TRHDE: variants seen among roughly 807,000 people sequenced by gnomAD.
TRHDE encodes thyrotropin releasing hormone degrading enzyme, also known as thyrotropin-releasing hormone-degrading ectoenzyme.
A neutral mutation model predicts 125.7 loss-of-function variants in TRHDE; 72 were observed. The ratio of observed to expected loss-of-function variants is 0.57; its 90% CI spans 0.47 to 0.70. The LOEUF (loss-of-function observed/expected upper bound fraction) is 0.70, where lower values mean the gene tolerates loss of function less well. Among genes scored for constraint, TRHDE ranks in the 30% least tolerant of loss-of-function variants. The probability of loss-of-function intolerance (pLI) is 0.00; values close to 1 mark genes in which losing one functional copy is unlikely to be tolerated. For synonymous variants in TRHDE, 509 were observed against 509.1 expected (o/e 1.00, Z 0.00); for missense variants, 1,110 against 1,327.1 (o/e 0.84, Z 2.54).
intron 2 of TRHDE, among the ~76,000 whole-genome samples, chr12:72,352,018 A>C (rs1213535737): frequency 6.6e-6 from 1 of 151,872 alleles, no homozygotes; most frequent in Non-Finnish European, 1.5e-5. Flanking sequence ...AGATTATTTT[A>C]GTATAGACTC....
intron 2 of TRHDE, among the ~76,000 whole-genome samples, chr12:72,130,668 A>T (rs1875839670): frequency 6.6e-6 from 1 of 152,228 alleles, no homozygotes; most frequent in South Asian, 2.1e-4. Context: ...ACCACAATGG[A>T]TGAAATACTG....
At chr12:72,495,724 A>C (rs1233949517) in intron 5 of TRHDE, among the ~76,000 whole-genome samples, 2 of 152,166 alleles carry the variant, frequency 1.3e-5, no homozygotes, top group African/African-American at 2.4e-5. Flanking sequence ...AATTTAATAC[A>C]TATGTGTTAA....
intron 2 of TRHDE, among the ~76,000 whole-genome samples, chr12:72,344,421 G>C (rs1462420487): frequency 6.6e-6 from 1 of 152,092 alleles, no homozygotes; most frequent in Non-Finnish European, 1.5e-5. Flanking sequence ...ATTTGCTGCT[G>C]AGGAAGTTAA....
chr12:72,450,372 A>G (rs188443257), intron 3 of TRHDE, among the ~76,000 whole-genome samples: 1 of 152,204 alleles, frequency 6.6e-6, no homozygotes, highest in East Asian at 1.9e-4. Context: ...GTGGAAGTGA[A>G]CACCAGGCAT....
At chr12:72,300,136 A>G (rs1450953302) in intron 2 of TRHDE, among the ~76,000 whole-genome samples, 1 of 152,116 alleles carries the variant, frequency 6.6e-6, no homozygotes, top group Non-Finnish European at 1.5e-5. Flanking sequence ...GAGGGTAACC[A>G]TTCTTCCAGG....
At chr12:72,141,909 T>A (rs1876119878) in intron 2 of TRHDE, among the ~76,000 whole-genome samples, 1 of 151,742 alleles carries the variant, frequency 6.6e-6, no homozygotes, top group Non-Finnish European at 1.5e-5. Context: ...TCTTTTAGAG[T>A]GATAAATTGG....
chr12:72,645,327 T>A lies in TRHDE; in HGVS notation c.2676-6995T>A, dbSNP rs1874237698. Among the ~76,000 whole-genome samples, 4 of 152,008 alleles carry A rather than the reference T, an allele frequency of 2.6e-5. No homozygotes were observed. In the South Asian group the frequency reaches 8.3e-4, roughly 32 times the overall value. ...ACAACACAATAACGTAACTGAAAAATTTACTGTTAATAGAAGGGTTAAACA... is the reference window on the plus strand; with the variant it reads ...ACAACACAATAACGTAACTGAAAAAATTACTGTTAATAGAAGGGTTAAACA... On this transcript the variant is annotated intron_variant, in intron 15 of 18. Transcript: ENST00000261180.
In TRHDE at chr12:72,564,653, A is replaced by ATTTTTTTTTTTTTTTTTT. The variant is rs538823843; in HGVS notation, c.2042+1628_2042+1645dup. On this transcript the variant is annotated intron_variant, in intron 9 of 18. Transcript: ENST00000261180. ...TGGAATTATAAAATCATGCGTATGA[A>ATTTTTTTTTTTTTTTTTT]TTTTTTTTTTTTTTTTTTTTTTTTT... Among the ~76,000 whole-genome samples, 18 of 54,314 alleles carry ATTTTTTTTTTTTTTTTTT rather than the reference A, an allele frequency of 3.3e-4. 4 individuals are homozygous for ATTTTTTTTTTTTTTTTTT. The highest frequency in any genetic ancestry group is 1.3e-3 in the East Asian group (2 of 1,594). The allele number at this position is 54,314 out of a possible 152,430, so 35.6% of individuals were successfully genotyped here. A position where few individuals can be genotyped will look rare whatever the true frequency, so the allele number is the denominator to read the frequency against.
intron 2 of TRHDE, among the ~76,000 whole-genome samples, chr12:72,375,104 C>G (rs1871813598): frequency 6.6e-6 from 1 of 152,094 alleles, no homozygotes; most frequent in Non-Finnish European, 1.5e-5. Context: ...AGAGCTTAGC[C>G]TTGGATAGGA....
At position 72,156,688 on chromosome 12, in the gene TRHDE, A is replaced by C. The variant is rs186375760; in HGVS notation, n.279+50936A>C. 9.2e-5 allele frequency among the ~76,000 whole-genome samples: 14 copies of C among 152,314 alleles called. 1 individual carries two copies. In the East Asian group the frequency reaches 2.7e-3, roughly 29 times the overall value. On this transcript the variant is annotated intron_variant and non_coding_transcript_variant, in intron 2 of 4. Transcript: ENST00000548156. ...TTTATTCTGAGTAGAAATTTTTTCA[A>C]AGTTCTAAATGCTATTTGAGGAATT... is the stretch of plus-strand genomic sequence containing the variant.
At position 72,537,826 on chromosome 12, in the gene TRHDE, G is replaced by A. The variant is rs377643030; in HGVS notation, c.1723-4465G>A. 1.3e-4 allele frequency among the ~76,000 whole-genome samples: 19 copies of A among 151,996 alleles called. No individual in the cohort carries two copies. In the South Asian group the frequency reaches 1.9e-3, roughly 15 times the overall value. ...CCAGGAACAGTTTTTGGCAATGAGC[G>A]TATAATGGTGACAGACCAATTCCCC... On this transcript the variant is annotated intron_variant, in intron 6 of 18. Transcript: ENST00000261180.
At chr12:72,178,901 T>C (rs990955382) in intron 2 of TRHDE, among the ~76,000 whole-genome samples, 3 of 152,110 alleles carry the variant, frequency 2.0e-5, no homozygotes, top group Non-Finnish European at 4.4e-5. Context: ...AAGAAATATC[T>C]CTGAGATTAC....
intron 3 of TRHDE, among the ~76,000 whole-genome samples, 179 bp from the exon 4 acceptor site, chr12:72,469,579 A>G (rs1232633734): frequency 6.6e-6 from 1 of 152,220 alleles, no homozygotes; most frequent in Non-Finnish European, 1.5e-5. Flanking sequence ...CAGCATTTGC[A>G]GTGATAGCCT....
At position 72,666,222 on chromosome 12, in the gene TRHDE, C is replaced by G. The variant is rs943706417; in HGVS notation, c.*3027C>G. On this transcript the variant is annotated 3_prime_UTR_variant, in exon 19 of 19. Coordinates refer to ENST00000261180, the MANE Select transcript of TRHDE (RefSeq NM_013381.3). ...GAGCCCTAATATTCTGATGAGAAAA[C>G]TGGGGCTCAGGTAGCAACATGAGCT... is the stretch of plus-strand genomic sequence containing the variant. 1.3e-5 allele frequency: 2 copies of G among 151,880 alleles called. No individual in the cohort carries two copies. Among genetic ancestry groups the G allele is most frequent in the Non-Finnish European group, 2.9e-5 (2 of 67,966 alleles). 9.4% of individuals were successfully genotyped at this position (151,880 alleles called of 1,614,324 possible).
At chr12:72,192,333 T>G (rs1443931384) in intron 2 of TRHDE, among the ~76,000 whole-genome samples, 3 of 152,158 alleles carry the variant, frequency 2.0e-5, no homozygotes, top group Non-Finnish European at 4.4e-5. Context: ...GAAGCAATTT[T>G]AAGCCGAAGT....
rs183223003 is a variant in TRHDE, at chr12:72,419,563, G to A, written c.1315+41442G>A. Among the ~76,000 whole-genome samples, 11 of 152,212 alleles carry A rather than the reference G, an allele frequency of 7.2e-5. No individual in the cohort carries two copies. The East Asian group carries it at 1.9e-3, about 27-fold the overall frequency. On this transcript the variant is annotated intron_variant, in intron 3 of 18. Coordinates refer to ENST00000261180, the MANE Select transcript of TRHDE (RefSeq NM_013381.3). ...TGTGCCATACACTTTTAAACAGCCA[G>A]ACCTCATGAAAAATCATTCACTATC...
At chr12:72,522,584 A>C (rs1868267890) in intron 6 of TRHDE, among the ~76,000 whole-genome samples, 1 of 152,226 alleles carries the variant, frequency 6.6e-6, no homozygotes, top group Admixed American at 6.5e-5. Context: ...GGAAAGAAAA[A>C]TAAACATGGC....
At position 72,184,721 on chromosome 12, in the gene TRHDE, T is replaced by C. The variant is rs565915355; in HGVS notation, n.279+78969T>C. On this transcript the variant is annotated intron_variant and non_coding_transcript_variant, in intron 2 of 4. Coordinates refer to the TRHDE transcript ENST00000548156. ...CAATTTCTTCTTGTGTCTTAAGAGC[T>C]TCAGGCCTTGACTGTATCTGATTTG... Among the ~76,000 whole-genome samples, 28 of 152,322 alleles carry C rather than the reference T, an allele frequency of 1.8e-4. No individual in the cohort carries two copies. The South Asian group carries it at 2.9e-3, about 16-fold the overall frequency.
intron 3 of TRHDE, among the ~76,000 whole-genome samples, chr12:72,387,572 C>T (rs1474556390): frequency 2.0e-5 from 3 of 152,148 alleles, no homozygotes; most frequent in Non-Finnish European, 4.4e-5. Flanking sequence ...GCTGTTCAAA[C>T]ATTTCAATGG....
Sources: allele counts gnomAD v4.1 joint callset (sites outside exome capture counted in the v4.1 genomes callset), GRCh38; gene constraint gnomAD v4.1.1; transcripts MANE v1.5; gene names NCBI Gene and HGNC (gene_info 2026-07-23, HGNC 2026-07-21).